CNST: variants seen among roughly 807,000 people sequenced by gnomAD.
The protein encoded by CNST is consortin.
In CNST, 39 loss-of-function variants were observed where a neutral mutation model predicts 72.4. The observed-to-expected ratio is 0.54, with a 90% CI of 0.42 to 0.70. CNST has a LOEUF of 0.70. Ranked by LOEUF, CNST falls within the 30% of genes least tolerant of loss-of-function variation. CNST has a pLI of 0.00. For synonymous variants in CNST, 332 were observed against 320.1 expected (o/e 1.04, Z -0.40); for missense variants, 871 against 868.5 (o/e 1.00, Z -0.04).
chr1:246,612,615 A>G (rs1280075849), intron 2 of CNST, among the ~76,000 whole-genome samples: 1 of 152,160 alleles, frequency 6.6e-6, no homozygotes, highest in Non-Finnish European at 1.5e-5. Flanking sequence ...GGTCAGGCGC[A>G]GTGGTTCGAT....
chr1:246,660,422 A>G, intron 10 of CNST, 88 bp downstream of exon 10: 3 of 1,432,920 alleles, frequency 2.1e-6, no homozygotes, highest in South Asian at 1.3e-5. Flanking sequence ...GTTTACTAAC[A>G]GGATTTGTAA....
chr1:246,582,513 C>T (rs963107563), intron 1 of CNST, among the ~76,000 whole-genome samples: 1 of 152,012 alleles, frequency 6.6e-6, no homozygotes, highest in Non-Finnish European at 1.5e-5. Context: ...TGAGCCTGGC[C>T]GGGCTTACGT....
intron 6 of CNST, among the ~76,000 whole-genome samples, 171 bp downstream of exon 6, chr1:246,634,758 C>T (rs1665041892): frequency 6.6e-6 from 1 of 152,228 alleles, no homozygotes; most frequent in South Asian, 2.1e-4. Context: ...AGCGCGCCAA[C>T]AGACAGCACA....
At position 246,591,515 on chromosome 1, in the gene CNST, T is replaced by C. The variant is rs1050670243; in HGVS notation, c.-48T>C. 3 of 1,603,222 alleles carry C rather than the reference T, an allele frequency of 1.9e-6. No homozygotes were observed. Among genetic ancestry groups the C allele is most frequent in the African/African-American group, 1.3e-5 (1 of 74,568 alleles). On this transcript the variant is annotated 5_prime_UTR_variant, in exon 2 of 11. An upstream start codon of the reference 5' UTR is lost. Coordinates refer to ENST00000366513, the MANE Select transcript of CNST (RefSeq NM_152609.3). ...TTTTTTCTTTTTGTCATTGTAGACA[T>C]GGAAGGTCTTTAATGTAACTTTAAA... is the stretch of plus-strand genomic sequence containing the variant.
intron 3 of CNST, among the ~76,000 whole-genome samples, chr1:246,630,158 ATGG>A (rs1308070792): frequency 1.3e-5 from 2 of 152,198 alleles, no homozygotes; most frequent in Non-Finnish European, 2.9e-5. Flanking sequence ...GACATCGGCC[ATGG>A]TGGGAGTATT....
chr1:246,628,303 T>C (rs1664573776), intron 3 of CNST, among the ~76,000 whole-genome samples: 1 of 152,158 alleles, frequency 6.6e-6, no homozygotes, highest in South Asian at 2.1e-4. Context: ...CACTCAGTAT[T>C]AACCATCACA....
intron 9 of CNST, among the ~76,000 whole-genome samples, chr1:246,657,719 G>A (rs548211986): frequency 4.6e-5 from 7 of 152,282 alleles, no homozygotes; most frequent in Non-Finnish European, 1.0e-4. Context: ...GGCTGAGCAG[G>A]AGCTAAGGCA....
chr1:246,656,529 A>G (rs914300760), intron 9 of CNST, among the ~76,000 whole-genome samples: 1 of 152,232 alleles, frequency 6.6e-6, no homozygotes, highest in Non-Finnish European at 1.5e-5. Context: ...TTGTTTGGGT[A>G]AGAATTTGGC....
intron 1 of CNST, among the ~76,000 whole-genome samples, chr1:246,576,850 C>A (rs555328624): frequency 1.3e-3 from 198 of 151,946 alleles, no homozygotes; most frequent in Middle Eastern, 3.4e-3. Context: ...GGCTACCACC[C>A]CCTACCCTCC....
intron 1 of CNST, chr1:246,569,907 T>C (rs1659959674): frequency 1.0e-6 from 1 of 980,784 alleles, no homozygotes; most frequent in African/African-American, 1.7e-5. Context: ...TAGGGAGAAC[T>C]TGAGGACCTT....
intron 2 of CNST, among the ~76,000 whole-genome samples, chr1:246,620,730 C>A: frequency 7.7e-6 from 1 of 130,122 alleles, no homozygotes; most frequent in Non-Finnish European, 1.7e-5. Context: ...ACACGATGGG[C>A]TCTGGGAACA....
At chr1:246,572,543 A>C (rs1237000067) in intron 1 of CNST, among the ~76,000 whole-genome samples, 1 of 149,112 alleles carries the variant, frequency 6.7e-6, no homozygotes, top group Non-Finnish European at 1.5e-5. Context: ...TAGAGATGAG[A>C]TCTCACTGTT....
chr1:246,577,833 A>G (rs1368540283), intron 1 of CNST, among the ~76,000 whole-genome samples: 2 of 152,074 alleles, frequency 1.3e-5, no homozygotes, highest in African/African-American at 4.8e-5. Flanking sequence ...GCTCACACCT[A>G]TCATTTCTTT....
At chr1:246,635,288 G>A (rs1474185248) in intron 6 of CNST, among the ~76,000 whole-genome samples, 1 of 151,826 alleles carries the variant, frequency 6.6e-6, no homozygotes, top group Non-Finnish European at 1.5e-5. Flanking sequence ...GCATCGTCTG[G>A]ATTGTCTGGC....
intron 3 of CNST, among the ~76,000 whole-genome samples, chr1:246,626,458 T>TTG (rs1316345890): frequency 1.5e-5 from 2 of 129,402 alleles, no homozygotes. Context: ...GTCCTTTTTT[T>TTG]TTTTTTTTTT....
chr1:246,651,902 C>T (rs1666467945), intron 9 of CNST, among the ~76,000 whole-genome samples: 1 of 151,320 alleles, frequency 6.6e-6, no homozygotes, highest in South Asian at 2.1e-4. Flanking sequence ...CTCGTTTATT[C>T]TCTCATTCTG....
At position 246,665,994 on chromosome 1, in the gene CNST, C is replaced by T; in HGVS notation, c.*89C>T. 1 of 913,688 alleles carries T rather than the reference C, an allele frequency of 1.1e-6. No individual in the cohort carries two copies. The highest frequency in any genetic ancestry group is 1.7e-6 in the Non-Finnish European group (1 of 598,658). 56.6% of individuals were successfully genotyped at this position (913,688 alleles called of 1,614,324 possible). A position where few individuals can be genotyped will look rare whatever the true frequency, so the allele number is the denominator to read the frequency against. The stretch of plus-strand genomic sequence containing the variant: ...TTTCTTTCAGGAATTCTGTAGCATT[C>T]CCCCTTCCCTCTGTTAGGAACCAAG... On this transcript the variant is annotated 3_prime_UTR_variant, in exon 11 of 11. Transcript: ENST00000366513.
chr1:246,600,540 A>G (rs2103037893), intron 2 of CNST, among the ~76,000 whole-genome samples: 1 of 152,320 alleles, frequency 6.6e-6, no homozygotes, highest in Non-Finnish European at 1.5e-5. Context: ...CAGAGTTACT[A>G]AGGAGGTGGA....
chr1:246,661,763 T>G (rs1667117357), intron 10 of CNST, among the ~76,000 whole-genome samples: 1 of 152,192 alleles, frequency 6.6e-6, no homozygotes, highest in Non-Finnish European at 1.5e-5. Context: ...AAAATAACAG[T>G]GTAAATATTT....
Sources: allele counts gnomAD v4.1 joint callset (sites outside exome capture counted in the v4.1 genomes callset), GRCh38; gene constraint gnomAD v4.1.1; transcripts MANE v1.5; gene names NCBI Gene and HGNC (gene_info 2026-07-23, HGNC 2026-07-21).